The following PDE4B variants were observed in gnomAD, a reference collection of about 807,000 sequenced individuals.
PDE4B encodes the protein phosphodiesterase 4B, also known as 3',5'-cyclic-AMP phosphodiesterase 4B.
In PDE4B, 20 loss-of-function variants were observed where a neutral mutation model predicts 82.2. That is an observed-to-expected ratio of 0.24 (90% CI 0.17 to 0.35). PDE4B has a LOEUF of 0.35. Among genes scored for constraint, PDE4B ranks in the 10% least tolerant of loss-of-function variants. PDE4B has a pLI of 1.00. For synonymous variants in PDE4B, 320 were observed against 318.9 expected, an observed-to-expected ratio of 1.00 and a Z score of -0.04; for missense variants, 655 against 907.2, an observed-to-expected ratio of 0.72 and a Z score of 3.57.
intron 3 of PDE4B, among the ~76,000 whole-genome samples, chr1:66,067,728 A>T (rs1420270045): frequency 6.6e-6 from 1 of 151,986 alleles, no homozygotes; most frequent in Non-Finnish European, 1.5e-5. Flanking sequence ...TTTTATTGCC[A>T]TTGCTTTTGG....
chr1:65,877,616 A>AAAAATAAAT (rs1303483589), intron 1 of PDE4B, among the ~76,000 whole-genome samples: 1 of 147,728 alleles, frequency 6.8e-6, no homozygotes, highest in African/African-American at 2.5e-5. Flanking sequence ...CTCTGTCTAA[A>AAAAATAAAT]AAATAAATAA....
chr1:65,808,113 T>C (rs955158308), intron 1 of PDE4B, among the ~76,000 whole-genome samples: 1 of 152,000 alleles, frequency 6.6e-6, no homozygotes, highest in Non-Finnish European at 1.5e-5. Context: ...TAAGTAGGGC[T>C]TTGAGTCAGT....
intron 3 of PDE4B, among the ~76,000 whole-genome samples, chr1:66,104,354 T>C (rs1444104085): frequency 6.7e-6 from 1 of 149,086 alleles, no homozygotes; most frequent in Non-Finnish European, 1.5e-5. Context: ...GACATTTGGG[T>C]TGGTTCCAAG....
At chr1:65,821,033 A>C (rs930359597) in intron 1 of PDE4B, among the ~76,000 whole-genome samples, 26 of 152,184 alleles carry the variant, frequency 1.7e-4, no homozygotes, top group African/African-American at 6.0e-4. Flanking sequence ...AATTTTAATA[A>C]AGAATTTTAC....
At chr1:66,340,903 TCAGA>T (rs1299875008) in intron 8 of PDE4B, among the ~76,000 whole-genome samples, 1 of 152,176 alleles carries the variant, frequency 6.6e-6, no homozygotes, top group Non-Finnish European at 1.5e-5. Flanking sequence ...CTAAAGCCAA[TCAGA>T]CAGGGCACAG....
At chr1:66,363,039 A>G (rs17128837) in intron 10 of PDE4B, 129 bp from the exon 11 acceptor site, 8,214 of 600,172 alleles carry the variant, frequency 0.014, 496 homozygotes, top group African/African-American at 0.14. Flanking sequence ...AGATTTTCAC[A>G]CAACTAAAGC....
Position 66,058,500 on chromosome 1 carries a change from C to T in PDE4B, c.281+139665C>T, listed in dbSNP as rs187055683. On this transcript the variant is annotated intron_variant, in intron 3 of 16. Coordinates refer to ENST00000341517, the MANE Select transcript of PDE4B (RefSeq NM_002600.4). ...GCCTAGCAGAGGTTCTCCATGAGGG[C>T]CCTGCTCCTGCAGCAAACTTTTGCC... Among the ~76,000 whole-genome samples, 991 of 152,350 alleles carry T rather than the reference C, an allele frequency of 6.5e-3. 12 individuals are homozygous for T. The highest frequency in any genetic ancestry group is 0.023 in the African/African-American group (945 of 41,576).
intron 7 of PDE4B, among the ~76,000 whole-genome samples, chr1:66,293,378 A>AT (rs1299019852): frequency 1.3e-5 from 2 of 151,296 alleles, no homozygotes; most frequent in African/African-American, 2.5e-5. Flanking sequence ...TCGATGACTT[A>AT]TTTTTTGTCA....
At chr1:65,992,983 TG>T (rs1442161962) in intron 3 of PDE4B, 1 of 1,613,996 alleles carries the variant, frequency 6.2e-7, no homozygotes, top group South Asian at 1.1e-5. Flanking sequence ...AAGGAGCAAA[TG>T]CATTTAGAAC....
At chr1:66,187,927 G>T (rs1360149368) in intron 3 of PDE4B, among the ~76,000 whole-genome samples, 2 of 150,558 alleles carry the variant, frequency 1.3e-5, no homozygotes, top group Non-Finnish European at 3.0e-5. Flanking sequence ...TTGTGATGTT[G>T]GGGTGTCAAT....
chr1:65,801,280 C>T (rs924725555), intron 1 of PDE4B, among the ~76,000 whole-genome samples: 2 of 152,190 alleles, frequency 1.3e-5, no homozygotes, highest in African/African-American at 4.8e-5. Flanking sequence ...ATCAGCCCTG[C>T]ACTGCCTACC....
chr1:65,803,447 T>C (rs994340486), intron 1 of PDE4B, among the ~76,000 whole-genome samples: 1 of 152,192 alleles, frequency 6.6e-6, no homozygotes, highest in Admixed American at 6.5e-5. Flanking sequence ...ATTTTGAGTG[T>C]GGTCTTCAAT....
intron 1 of PDE4B, among the ~76,000 whole-genome samples, chr1:65,874,497 G>A (rs1646614853): frequency 6.6e-6 from 1 of 152,022 alleles, no homozygotes; most frequent in African/African-American, 2.4e-5. Context: ...TCTTGTGCCA[G>A]TTTTCAAAGA....
In PDE4B at chr1:66,247,544, C is replaced by T; in HGVS notation, c.366C>T (p.Ala122=). 1.9e-6 allele frequency: 3 copies of T among 1,612,848 alleles called. No homozygotes were observed. Among genetic ancestry groups the T allele is most frequent in the Non-Finnish European group, 2.5e-6 (3 of 1,179,344 alleles). ...CTTCCGCTGGGCTGGTACTTCACGC[C>T]ACCTTTCCTGGGCACAGCCAGCGCA... ...ASSSAGLVLH[A]TFPGHSQRRE... The change falls in exon 4 of 17, where the codon GCC becomes GCT. Residue 122 remains alanine (A), a synonymous_variant. Coordinates refer to ENST00000341517, the MANE Select transcript of PDE4B (RefSeq NM_002600.4).
At chr1:65,971,438 A>G (rs984693634) in intron 3 of PDE4B, among the ~76,000 whole-genome samples, 1 of 152,150 alleles carries the variant, frequency 6.6e-6, no homozygotes, top group Non-Finnish European at 1.5e-5. Flanking sequence ...ATGTGGTACT[A>G]AGTAGTTATT....
chr1:65,950,407 T>G (rs1241870465), intron 3 of PDE4B, among the ~76,000 whole-genome samples: 1 of 152,082 alleles, frequency 6.6e-6, no homozygotes, highest in East Asian at 1.9e-4. Flanking sequence ...CTTTACAGTC[T>G]GTCTCTTAGA....
intron 7 of PDE4B, among the ~76,000 whole-genome samples, chr1:66,278,679 T>C (rs1289793325): frequency 1.3e-5 from 2 of 152,234 alleles, no homozygotes; most frequent in African/African-American, 2.4e-5. Context: ...GAATAAACAC[T>C]GGAAGAAGCT....
At chr1:66,004,825 GTTTA>G (rs373902972) in intron 3 of PDE4B, among the ~76,000 whole-genome samples, 183 of 151,854 alleles carry the variant, frequency 1.2e-3, no homozygotes, top group African/African-American at 3.8e-3. Flanking sequence ...CTTACAAACT[GTTTA>G]TTTATTTGTT....
At position 66,152,589 on chromosome 1, in the gene PDE4B, T is replaced by C. The variant is rs533929466; in HGVS notation, c.282-94871T>C. The C allele has an allele frequency of 2.1e-5, 4 of 186,298 alleles. 1 individual carries two copies. The South Asian group carries it at 2.8e-4, about 13-fold the overall frequency. 11.5% of individuals were successfully genotyped at this position (186,298 alleles called of 1,614,324 possible). ...ATATGATTAAGTGTGTGCATATATA[T>C]GTGTGTGTGTGTGTATACACATATA... is the stretch of plus-strand genomic sequence containing the variant. On this transcript the variant is annotated intron_variant, in intron 3 of 16. Coordinates refer to ENST00000341517, the MANE Select transcript of PDE4B (RefSeq NM_002600.4).
Sources: gnomAD v4.1 joint callset for allele counts (sites outside exome capture counted in the v4.1 genomes callset) on GRCh38, gnomAD v4.1.1 for gene constraint, MANE v1.5 for transcripts, NCBI Gene and HGNC (gene_info 2026-07-23, HGNC 2026-07-21) for gene names.